AGPAT4: variants seen among roughly 807,000 people sequenced by gnomAD.
AGPAT4 encodes 1-acylglycerol-3-phosphate O-acyltransferase 4, also known as 1-acyl-sn-glycerol-3-phosphate acyltransferase delta.
In AGPAT4, 15 loss-of-function variants were observed where a neutral mutation model predicts 48.0. The observed-to-expected ratio is 0.31, with a 90% CI of 0.21 to 0.48. AGPAT4 has a LOEUF of 0.48. Ranked by LOEUF, AGPAT4 falls within the 20% of genes least tolerant of loss-of-function variation. The pLI, the probability that AGPAT4 is intolerant of heterozygous loss-of-function variation, is 0.99. For missense variants in AGPAT4, 314 were observed against 482.5 expected (o/e 0.65, Z 3.27); for synonymous variants, 178 against 198.7 (o/e 0.90, Z 0.88).
In AGPAT4 at chr6:161,270,566, C is replaced by T. The variant is rs182715942; in HGVS notation, c.-90+3372G>A. Among the ~76,000 whole-genome samples the T allele has an allele frequency of 6.6e-6, 1 of 152,116 alleles. No individual in the cohort carries two copies. Among genetic ancestry groups the T allele is most frequent in the African/African-American group, 2.4e-5 (1 of 41,518 alleles). On this transcript the variant is annotated intron_variant, in intron 1 of 8. Coordinates refer to ENST00000320285, the MANE Select transcript of AGPAT4 (RefSeq NM_020133.3). The surrounding 1 kb of genome is among the most constrained non-coding windows in gnomAD (Gnocchi z 5.3). ...GGTGCATCACCTGAGGTCAGGAGTT[C>T]GAGACCAGCCTGGCCAATACAGTGA...
At chr6:161,257,744 GA>G (rs913474629) in intron 1 of AGPAT4, among the ~76,000 whole-genome samples, 6 of 150,500 alleles carry the variant, frequency 4.0e-5, no homozygotes, top group Non-Finnish European at 5.9e-5. Context: ...AGAAAGAGAA[GA>G]AAAAAAAAGG....
chr6:161,164,498 G>A lies in AGPAT4; in HGVS notation c.348+1750C>T, dbSNP rs2114978141. On this transcript the variant is annotated intron_variant, in intron 3 of 8. Coordinates refer to ENST00000320285, the MANE Select transcript of AGPAT4 (RefSeq NM_020133.3). This position sits in a 1 kb window ranked among gnomAD's most constrained non-coding sequence, Gnocchi z 7.4. The stretch of plus-strand genomic sequence containing the variant: ...CAGCTGGTCTGGGTCGTTTTAGGAT[G>A]GTCAGGGTCCTGTTTCTGGAGCAGG... Among the ~76,000 whole-genome samples the A allele has an allele frequency of 6.6e-6, 1 of 152,312 alleles. No homozygotes were observed. Among genetic ancestry groups the A allele is most frequent in the South Asian group, 2.1e-4 (1 of 4,822 alleles).
At position 161,144,794 on chromosome 6, in the gene AGPAT4, C is replaced by A. The variant is rs1779365501; in HGVS notation, c.843+1730G>T. On this transcript the variant is annotated intron_variant, in intron 7 of 8. Coordinates refer to ENST00000320285, the MANE Select transcript of AGPAT4 (RefSeq NM_020133.3). The surrounding 1 kb of genome is among the most constrained non-coding windows in gnomAD (Gnocchi z 6.6). The stretch of plus-strand genomic sequence containing the variant: ...GTGAGATCGAGACCATCCTGGCAAA[C>A]ACGGTGAAACCCCGTCTCTACTAAA... 6.6e-6 allele frequency among the ~76,000 whole-genome samples: 1 copy of A among 152,094 alleles called. No homozygotes were observed. Among genetic ancestry groups the A allele is most frequent in the African/African-American group, 2.4e-5 (1 of 41,390 alleles).
At chr6:161,258,107 C>T (rs1782993590) in intron 1 of AGPAT4, among the ~76,000 whole-genome samples, 1 of 152,202 alleles carries the variant, frequency 6.6e-6, no homozygotes. Flanking sequence ...AGTATTTACA[C>T]TTCTCAACTT....
chr6:161,249,615 C>A lies in AGPAT4; in HGVS notation c.-89-17313G>T, dbSNP rs1782750796. ...GCAAATCAAAAACACAGTGAGATAG[C>A]ATCTCACACCAGTCAGAATGGCTAT... On this transcript the variant is annotated intron_variant, in intron 1 of 8. Coordinates refer to ENST00000320285, the MANE Select transcript of AGPAT4 (RefSeq NM_020133.3). This position sits in a 1 kb window ranked among gnomAD's most constrained non-coding sequence, Gnocchi z 6.2. 6.6e-6 allele frequency among the ~76,000 whole-genome samples: 1 copy of A among 152,102 alleles called. No homozygotes were observed. The highest frequency in any genetic ancestry group is 2.4e-5 in the African/African-American group (1 of 41,418).
rs1490285928 is a variant in AGPAT4, at chr6:161,177,118, T to C, written c.179-10701A>G. On this transcript the variant is annotated intron_variant, in intron 2 of 8. Transcript: ENST00000320285. This position sits in a 1 kb window ranked among gnomAD's most constrained non-coding sequence, Gnocchi z 5.0. ...CTTTGGTGAATCTGACAATTATGTG[T>C]CTTAGAGTTGCTCTTCTCGAGGAGT... Among the ~76,000 whole-genome samples the C allele has an allele frequency of 1.3e-5, 2 of 152,192 alleles. No individual in the cohort carries two copies. Among genetic ancestry groups the C allele is most frequent in the African/African-American group, 4.8e-5 (2 of 41,446 alleles).
At position 161,196,515 on chromosome 6, in the gene AGPAT4, G is replaced by A. The variant is rs536672908; in HGVS notation, c.179-30098C>T. 4.6e-5 allele frequency among the ~76,000 whole-genome samples: 7 copies of A among 152,114 alleles called. No individual in the cohort carries two copies. The East Asian group carries it at 1.4e-3, about 30-fold the overall frequency. The stretch of plus-strand genomic sequence containing the variant: ...ACAGTTCAATCTAATGTGTTAAGAA[G>A]CAAGGAGAGGGTCACGCGTGGTGAC... On this transcript the variant is annotated intron_variant, in intron 2 of 8. Coordinates refer to ENST00000320285, the MANE Select transcript of AGPAT4 (RefSeq NM_020133.3). This position sits in a 1 kb window ranked among gnomAD's most constrained non-coding sequence, Gnocchi z 4.3.
rs1186228147 is a variant in AGPAT4, at chr6:161,141,296, G to T, written c.844-1676C>A. Among the ~76,000 whole-genome samples, 2 of 152,074 alleles carry T rather than the reference G, an allele frequency of 1.3e-5. No homozygotes were observed. Among genetic ancestry groups the T allele is most frequent in the African/African-American group, 4.8e-5 (2 of 41,404 alleles). ...GGACATCAGCCAAGAGAAGCCATGG[G>T]GGCTCTCAGGGGAAGTCACATCATC... On this transcript the variant is annotated intron_variant, in intron 7 of 8. Coordinates refer to ENST00000320285, the MANE Select transcript of AGPAT4 (RefSeq NM_020133.3). This position sits in a 1 kb window ranked among gnomAD's most constrained non-coding sequence, Gnocchi z 6.7.
chr6:161,213,389 T>C (rs983823358), intron 2 of AGPAT4, among the ~76,000 whole-genome samples: 1 of 152,258 alleles, frequency 6.6e-6, no homozygotes, highest in Non-Finnish European at 1.5e-5. Context: ...TTCAAAACTA[T>C]AGTACACCTG....
At chr6:161,162,319 C>G (rs1232765266) in intron 3 of AGPAT4, among the ~76,000 whole-genome samples, 1 of 152,224 alleles carries the variant, frequency 6.6e-6, no homozygotes, top group Non-Finnish European at 1.5e-5. Flanking sequence ...CACTTCCAAC[C>G]AACAGTATGG....
In AGPAT4 at chr6:161,139,542, G is replaced by C. The variant is rs1039146831; in HGVS notation, c.922C>G (p.Leu308Val). ...PMVPPRRPWT[L>V]VNWLFWASLV... ...GAGGCCCAAAACAGCCAGTTCACGAGGGTCCAGGGCCGCCGGGGGGGCACC... is the reference window on the plus strand; with the variant it reads ...GAGGCCCAAAACAGCCAGTTCACGACGGTCCAGGGCCGCCGGGGGGGCACC... The change falls in exon 8 of 9, where the codon CTC becomes GTC. Residue 308 changes from leucine to valine, a missense_variant. Leu to Val is a conservative substitution (Grantham distance 32, BLOSUM62 1). Transcript: ENST00000320285. This position sits in a 1 kb window ranked among gnomAD's most constrained non-coding sequence, Gnocchi z 9.1. 2 of 1,613,962 alleles carry C rather than the reference G, an allele frequency of 1.2e-6. No individual in the cohort carries two copies. The highest frequency in any genetic ancestry group is 2.7e-5 in the African/African-American group (2 of 74,914).
At position 161,204,816 on chromosome 6, in the gene AGPAT4, T is replaced by G. The variant is rs1781336211; in HGVS notation, c.178+27220A>C. Among the ~76,000 whole-genome samples the G allele has an allele frequency of 6.6e-6, 1 of 152,194 alleles. No homozygotes were observed. On this transcript the variant is annotated intron_variant, in intron 2 of 8. Coordinates refer to ENST00000320285, the MANE Select transcript of AGPAT4 (RefSeq NM_020133.3). This position sits in a 1 kb window ranked among gnomAD's most constrained non-coding sequence, Gnocchi z 4.4. ...GTGAAACACATATTTTCAGTGAAGT[T>G]ATTCCCTTTTCTCCATTGTGCTACT... is the stretch of plus-strand genomic sequence containing the variant.
intron 5 of AGPAT4, among the ~76,000 whole-genome samples, chr6:161,150,451 TAC>T (rs979115631): frequency 2.0e-5 from 3 of 152,228 alleles, no homozygotes; most frequent in African/African-American, 7.2e-5. Flanking sequence ...CTGGGAGCTT[TAC>T]ATATGTGCAA....
intron 5 of AGPAT4, among the ~76,000 whole-genome samples, chr6:161,150,982 G>C (rs1779575609): frequency 6.6e-6 from 1 of 152,166 alleles, no homozygotes; most frequent in Admixed American, 6.5e-5. Context: ...AAGCAAAGGT[G>C]GGGAGAACCC....
At chr6:161,268,592 T>A (rs542943303) in intron 1 of AGPAT4, among the ~76,000 whole-genome samples, 1 of 152,162 alleles carries the variant, frequency 6.6e-6, no homozygotes, top group South Asian at 2.1e-4. Context: ...GAAATGACCA[T>A]GAAGTAGTTA....
chr6:161,268,105 T>G (rs1051649718), intron 1 of AGPAT4, among the ~76,000 whole-genome samples: 2 of 152,152 alleles, frequency 1.3e-5, no homozygotes, highest in Non-Finnish European at 2.9e-5. Flanking sequence ...ACTTTCTCTC[T>G]CTGTAAAATG....
chr6:161,184,167 AGGTTACG>A lies in AGPAT4; in HGVS notation c.179-17757_179-17751del, dbSNP rs1562328359. 6.6e-6 allele frequency among the ~76,000 whole-genome samples: 1 copy of A among 151,962 alleles called. No homozygotes were observed. Among genetic ancestry groups the A allele is most frequent in the Non-Finnish European group, 1.5e-5 (1 of 68,018 alleles). On this transcript the variant is annotated intron_variant, in intron 2 of 8. Coordinates refer to ENST00000320285, the MANE Select transcript of AGPAT4 (RefSeq NM_020133.3). The surrounding 1 kb of genome is among the most constrained non-coding windows in gnomAD (Gnocchi z 4.8). Reference sequence around the variant, plus strand: ...TGCTGTGTGGAGAAAGAAGTGCAGCAGGTTACGGGTGGAAGGCAGGTGTTGAAGCAGG... The same window carrying A: ...TGCTGTGTGGAGAAAGAAGTGCAGCAGGTGGAAGGCAGGTGTTGAAGCAGG...
At chr6:161,211,252 T>C (rs1442275610) in intron 2 of AGPAT4, among the ~76,000 whole-genome samples, 2 of 152,200 alleles carry the variant, frequency 1.3e-5, no homozygotes, top group Non-Finnish European at 2.9e-5. Flanking sequence ...TCTAAAGTTA[T>C]ATTAAATTAA....
At chr6:161,253,819 T>A (rs1349914658) in intron 1 of AGPAT4, among the ~76,000 whole-genome samples, 1 of 152,220 alleles carries the variant, frequency 6.6e-6, no homozygotes, top group African/African-American at 2.4e-5. Flanking sequence ...TATCTAGTTT[T>A]AGTTATTTTA....
Sources: allele counts gnomAD v4.1 joint callset (sites outside exome capture counted in the v4.1 genomes callset), GRCh38; gene constraint gnomAD v4.1.1; non-coding constraint Gnocchi (gnomAD v3.1); transcripts MANE v1.5; gene names NCBI Gene and HGNC (gene_info 2026-07-23, HGNC 2026-07-21).